Variants in TBXAS1 observed in about 807,000 individuals in gnomAD.
TBXAS1 encodes thromboxane-A synthase.
Under a neutral mutation model 60.7 loss-of-function variants are expected in TBXAS1, and 48 were observed. The observed-to-expected ratio is 0.79, with a 90% CI of 0.63 to 1.01. The LOEUF is 1.01. Among genes scored for constraint, TBXAS1 ranks in the 50% least tolerant of loss-of-function variants. The pLI is 0.00. For missense variants in TBXAS1, 685 were observed against 686.3 expected (o/e 1.00, Z 0.02); for synonymous variants, 287 against 269.7 (o/e 1.06, Z -0.63).
chr7:140,015,471 C>T (rs1171861871), intron 10 of TBXAS1, among the ~76,000 whole-genome samples: 1 of 152,162 alleles, frequency 6.6e-6, no homozygotes, highest in African/African-American at 2.4e-5. Flanking sequence ...TGGATGAGTA[C>T]ATTTTCATCA....
chr7:139,953,228 G>A, intron 5 of TBXAS1, 140 bp from the exon 6 acceptor site: 1 of 728,424 alleles, frequency 1.4e-6, no homozygotes, highest in Non-Finnish European at 2.5e-6. Flanking sequence ...TCTTCTTCTT[G>A]AATCTTAGCT....
At chr7:139,782,123 T>G (rs1341201725) in intron 2 of TBXAS1, among the ~76,000 whole-genome samples, 1 of 151,892 alleles carries the variant, frequency 6.6e-6, no homozygotes, top group Non-Finnish European at 1.5e-5. Flanking sequence ...CTAGAGATAG[T>G]GTGCATTGTA....
At chr7:139,914,158 T>C (rs1391325852) in intron 4 of TBXAS1, 1 of 151,290 alleles carries the variant, frequency 6.6e-6, no homozygotes, top group Admixed American at 6.6e-5. Context: ...GCCTCCTAGG[T>C]AGCTGGGACT....
chr7:139,876,164 C>T (rs1802221975), intron 3 of TBXAS1, among the ~76,000 whole-genome samples: 1 of 152,172 alleles, frequency 6.6e-6, no homozygotes, highest in Admixed American at 6.5e-5. Flanking sequence ...CCCAGGATAA[C>T]CTTATCACCT....
At chr7:139,857,964 C>A (rs778061449) in intron 1 of TBXAS1, among the ~76,000 whole-genome samples, 1 of 151,928 alleles carries the variant, frequency 6.6e-6, no homozygotes, top group Admixed American at 6.6e-5. Context: ...GAACTCTTGG[C>A]CTCAAGCAAT....
chr7:139,894,334 G>A (rs1473369287), intron 3 of TBXAS1, among the ~76,000 whole-genome samples: 1 of 152,160 alleles, frequency 6.6e-6, no homozygotes, highest in Non-Finnish European at 1.5e-5. Context: ...GCAGGGCATG[G>A]AGAATCACAG....
chr7:139,889,993 G>T (rs1362560014), intron 3 of TBXAS1, among the ~76,000 whole-genome samples: 1 of 152,112 alleles, frequency 6.6e-6, no homozygotes, highest in Admixed American at 6.5e-5. Context: ...TCCAGGGTAG[G>T]CCTGGAATCC....
At chr7:139,983,056 C>T (rs925978120) in intron 9 of TBXAS1, among the ~76,000 whole-genome samples, 1 of 152,124 alleles carries the variant, frequency 6.6e-6, no homozygotes, top group East Asian at 1.9e-4. Flanking sequence ...ATACTATTTC[C>T]TTATACTTCA....
chr7:139,997,452 G>T (rs748005403), intron 9 of TBXAS1, among the ~76,000 whole-genome samples: 1 of 152,186 alleles, frequency 6.6e-6, no homozygotes, highest in African/African-American at 2.4e-5. Context: ...TCTAGTTGAT[G>T]TTGGAATGCG....
upstream of TBXAS1, among the ~76,000 whole-genome samples, chr7:139,828,770 C>T (rs554758528): frequency 6.6e-6 from 1 of 152,300 alleles, no homozygotes; most frequent in African/African-American, 2.4e-5. Flanking sequence ...GGGATCTTTG[C>T]TTTGCTCCAA....
At chr7:139,785,490 T>G (rs202057958) in intron 3 of TBXAS1, among the ~76,000 whole-genome samples, 42 of 127,810 alleles carry the variant, frequency 3.3e-4, no homozygotes, top group Non-Finnish European at 5.9e-4. Flanking sequence ...TGTTGTTGTT[T>G]TTTGTGTGAT....
At chr7:139,873,513 A>G (rs1011640915) in intron 2 of TBXAS1, among the ~76,000 whole-genome samples, 3 of 152,216 alleles carry the variant, frequency 2.0e-5, no homozygotes, top group African/African-American at 7.2e-5. Context: ...AACTCTTGTG[A>G]CAAATTAGTG....
At chr7:139,785,398 GGT>G (rs1797157386) in intron 3 of TBXAS1, among the ~76,000 whole-genome samples, 1 of 152,034 alleles carries the variant, frequency 6.6e-6, no homozygotes, top group Non-Finnish European at 1.5e-5. Context: ...ACCTCCTTCT[GGT>G]AAACAATAAC....
At chr7:139,951,962 GA>G (rs1179290446) in intron 5 of TBXAS1, among the ~76,000 whole-genome samples, 2 of 116,140 alleles carry the variant, frequency 1.7e-5, no homozygotes, top group African/African-American at 6.9e-5. Context: ...AAGAAAGAAA[GA>G]AAGAAAGAAA....
rs13306049 is a variant in TBXAS1, at chr7:140,015,750, C to T, written c.1254C>T (p.Cys418=). The change falls in exon 11 of 13, where the codon TGC becomes TGT. Residue 418 remains cysteine, a synonymous_variant. Transcript: ENST00000448866. ...TCACACGGGAGGCAGCTCAGGACTGCGAGGTGCTGGGGCAGCGCATCCCCG... is the reference window on the plus strand; with the variant it reads ...TCACACGGGAGGCAGCTCAGGACTGTGAGGTGCTGGGGCAGCGCATCCCCG... The part of the protein sequence containing the change: ...FRFTREAAQD[C]EVLGQRIPAG... The T allele has an allele frequency of 3.1e-4, 499 of 1,613,454 alleles. 3 individuals are homozygous for T. In the East Asian group the frequency reaches 6.3e-3, roughly 20 times the overall value.
chr7:140,006,087 G>C (rs1450959520), intron 9 of TBXAS1, among the ~76,000 whole-genome samples: 2 of 152,230 alleles, frequency 1.3e-5, no homozygotes, highest in African/African-American at 2.4e-5. Flanking sequence ...GACTTGCCCT[G>C]AAGGCCGGCC....
chr7:139,811,211 C>T (rs1798015316), intron 4 of TBXAS1, among the ~76,000 whole-genome samples: 1 of 152,186 alleles, frequency 6.6e-6, no homozygotes, highest in South Asian at 2.1e-4. Context: ...ATGATGGGTA[C>T]AAATCTATAT....
chr7:139,970,845 CAT>C (rs1584979456), intron 9 of TBXAS1, among the ~76,000 whole-genome samples: 1 of 152,286 alleles, frequency 6.6e-6, no homozygotes, highest in South Asian at 2.1e-4. Flanking sequence ...TCTGTCAGGA[CAT>C]GTGTGTAGAC....
chr7:140,005,740 T>C (rs533672105), intron 9 of TBXAS1, among the ~76,000 whole-genome samples: 1 of 152,334 alleles, frequency 6.6e-6, no homozygotes, highest in Non-Finnish European at 1.5e-5. Flanking sequence ...CTACATATAA[T>C]TTCTGCAACG....
Sources: allele counts gnomAD v4.1 joint callset (sites outside exome capture counted in the v4.1 genomes callset), GRCh38; gene constraint gnomAD v4.1.1; transcripts MANE v1.5; gene names NCBI Gene and HGNC (gene_info 2026-07-23, HGNC 2026-07-21).